ZNF737: variants seen among roughly 807,000 people sequenced by gnomAD.
The protein encoded by ZNF737 is zinc finger protein 737.
Under a neutral mutation model 11.7 loss-of-function variants are expected in ZNF737, and 13 were observed. That is an observed-to-expected ratio of 1.11 (90% CI 0.73 to 1.77). The LOEUF (loss-of-function observed/expected upper bound fraction) is 1.77, where lower values mean the gene tolerates loss of function less well. Ranked by LOEUF, ZNF737 falls within the 40% of genes most tolerant of loss-of-function variation. ZNF737 has a pLI of 0.00. For synonymous variants in ZNF737, 217 were observed against 216.2 expected, an observed-to-expected ratio of 1.00 and a Z score of -0.03; for missense variants, 636 against 638.0, an observed-to-expected ratio of 1.00 and a Z score of 0.03.
At chr19:20,554,858 ATTTCT>A (rs1555760165) in intron 1 of ZNF737, among the ~76,000 whole-genome samples, 1 of 123,338 alleles carries the variant, frequency 8.1e-6, no homozygotes, top group Non-Finnish European at 1.6e-5. Flanking sequence ...TTAAATAAGC[ATTTCT>A]TTTTTTTTTT....
chr19:20,536,592 AG>A (rs1432147120), downstream of ZNF737, among the ~76,000 whole-genome samples: 2 of 151,982 alleles, frequency 1.3e-5, no homozygotes, highest in African/African-American at 4.8e-5. Flanking sequence ...GGTAGATCAC[AG>A]GGTCAGGAGC....
At chr19:20,549,914 A>G (rs1968603664) in intron 3 of ZNF737, among the ~76,000 whole-genome samples, 1 of 142,716 alleles carries the variant, frequency 7.0e-6, no homozygotes, top group South Asian at 2.3e-4. Flanking sequence ...TGGGTGACAG[A>G]GTGTGACTCC....
In ZNF737 at chr19:20,538,591, A is replaced by C. The variant is rs1968071106; in HGVS notation, c.*6001T>G. On this transcript the variant is annotated 3_prime_UTR_variant, in exon 4 of 4. Transcript: ENST00000427401. The stretch of plus-strand genomic sequence containing the variant: ...AAAATGGCCTTGCTAAGAAAAATTA[A>C]ATTTATTTTCAAGTGCTATTTCTTT... 1 of 964,342 alleles carries C rather than the reference A, an allele frequency of 1.0e-6. No homozygotes were observed. Among genetic ancestry groups the C allele is most frequent in the Non-Finnish European group, 1.2e-6 (1 of 810,918 alleles). The allele number at this position is 964,342 out of a possible 1,614,324, so 59.7% of individuals were successfully genotyped here.
In ZNF737 at chr19:20,539,871, A is replaced by G. The variant is rs1346760263; in HGVS notation, c.*4721T>C. The stretch of plus-strand genomic sequence containing the variant: ...TTAGAATGAGTTCAGCCTTGTTGGT[A>G]GACTATTGGTATCCCAGAGGCTGAT... On this transcript the variant is annotated 3_prime_UTR_variant, in exon 4 of 4. Coordinates refer to ENST00000427401, the MANE Select transcript of ZNF737 (RefSeq NM_001159293.2). 2.0e-6 allele frequency: 2 copies of G among 985,144 alleles called. No individual in the cohort carries two copies. Among genetic ancestry groups the G allele is most frequent in the African/African-American group, 3.5e-5 (2 of 57,192 alleles). The allele number at this position is 985,144 out of a possible 1,614,324, so 61.0% of individuals were successfully genotyped here.
intron 1 of ZNF737, among the ~76,000 whole-genome samples, chr19:20,561,247 G>A (rs1412688713): frequency 1.3e-5 from 2 of 152,124 alleles, no homozygotes; most frequent in African/African-American, 4.8e-5. Context: ...TGCTGCTGCA[G>A]ATTTAGTGTC....
In ZNF737 at chr19:20,545,497, TGCCACA is replaced by T. The variant is rs781827792; in HGVS notation, c.700_705del (p.Cys234_Gly235del). 3.1e-6 allele frequency: 5 copies of T among 1,613,268 alleles called. No homozygotes were observed. The African/African-American group carries it at 6.7e-5, about 22-fold the overall frequency. On this transcript the variant is annotated inframe_deletion, in exon 4 of 4. Transcript: ENST00000427401. ...AGGTATGAAAACCGGCTAAAGGCTT[TGCCACA>T]GTCTTCACATTTGTACCGTTTCTCT...
rs200426795 is a variant in ZNF737, at chr19:20,539,288, T to TAA, written c.*5302_*5303dup. ...GTGAGTGACAGAGTGAGAATCCTTC[T>TAA]AAAAAAAAAAAAAAGAAATTCTTTC... On this transcript the variant is annotated 3_prime_UTR_variant, in exon 4 of 4. Coordinates refer to ENST00000427401, the MANE Select transcript of ZNF737 (RefSeq NM_001159293.2). The TAA allele has an allele frequency of 4.3e-4, 336 of 775,276 alleles. No individual in the cohort carries two copies. The highest frequency in any genetic ancestry group is 4.0e-3 in the Middle Eastern group (6 of 1,512). The allele number at this position is 775,276 out of a possible 1,614,324, so 48.0% of individuals were successfully genotyped here. A position where few individuals can be genotyped will look rare whatever the true frequency, so the allele number is the denominator to read the frequency against.
chr19:20,530,820 C>T, the ZNF737 span, among the ~76,000 whole-genome samples: 378 of 147,288 alleles, frequency 2.6e-3, 17 homozygotes, highest in African/African-American at 8.3e-3. Context: ...ACTTCCCAGA[C>T]GGGGTGGCGG....
intron 3 of ZNF737, among the ~76,000 whole-genome samples, chr19:20,547,712 T>TAA (rs36126400): frequency 7.9e-5 from 12 of 151,968 alleles, no homozygotes; most frequent in African/African-American, 2.2e-4. Flanking sequence ...ATACAGAAAT[T>TAA]AAAAAAACAC....
intron 2 of ZNF737, among the ~76,000 whole-genome samples, 176 bp from the exon 3 acceptor site, chr19:20,552,746 A>G (rs543906125): frequency 1.3e-4 from 19 of 151,980 alleles, no homozygotes; most frequent in East Asian, 1.2e-3. Flanking sequence ...AGGTGCAGTT[A>G]CTCACGCCTG....
At position 20,543,861 on chromosome 19, in the gene ZNF737, C is replaced by T; in HGVS notation, c.*731G>A. ...GAGAACTTGTGGCTGGGCGTCGTGG[C>T]TCACGCCTGTAATCCCAGCACTTTA... On this transcript the variant is annotated 3_prime_UTR_variant, in exon 4 of 4. Coordinates refer to ENST00000427401, the MANE Select transcript of ZNF737 (RefSeq NM_001159293.2). The T allele has an allele frequency of 2.0e-6, 2 of 985,188 alleles. No individual in the cohort carries two copies. Among genetic ancestry groups the T allele is most frequent in the Non-Finnish European group, 2.4e-6 (2 of 829,722 alleles). The allele number at this position is 985,188 out of a possible 1,614,324, so 61.0% of individuals were successfully genotyped here.
downstream of ZNF737, among the ~76,000 whole-genome samples, chr19:20,533,053 G>C (rs57819713): frequency 4.0e-5 from 6 of 149,902 alleles, no homozygotes; most frequent in Non-Finnish European, 8.9e-5. Context: ...TCATATTTAG[G>C]TTAGGACCTT....
At chr19:20,534,642 AAT>A (rs1159978554), downstream of ZNF737, among the ~76,000 whole-genome samples, 3 of 150,084 alleles carry the variant, frequency 2.0e-5, no homozygotes, top group Non-Finnish European at 3.0e-5. Flanking sequence ...GAAGAATTTA[AAT>A]AGAGTCAAAT....
rs1968305150 is a variant in ZNF737, at chr19:20,543,547, T to C, written c.*1045A>G. The C allele has an allele frequency of 1.0e-6, 1 of 985,276 alleles. No individual in the cohort carries two copies. Among genetic ancestry groups the C allele is most frequent in the African/African-American group, 1.7e-5 (1 of 57,252 alleles). 61.0% of individuals were successfully genotyped at this position (985,276 alleles called of 1,614,324 possible). On this transcript the variant is annotated 3_prime_UTR_variant, in exon 4 of 4. Coordinates refer to ENST00000427401, the MANE Select transcript of ZNF737 (RefSeq NM_001159293.2). ...CATATTCCTTCTATTTGTACAATTT[T>C]TCTCAAGGATACTAGCTTTTCTGTG...
intron 1 of ZNF737, chr19:20,564,071 CAGG>C (rs1475930534): frequency 2.6e-5 from 4 of 152,096 alleles, no homozygotes; most frequent in African/African-American, 4.8e-5. Flanking sequence ...GAGGCTGAGG[CAGG>C]AGAATTGCTT....
chr19:20,559,982 A>C (rs1480999504), intron 1 of ZNF737, among the ~76,000 whole-genome samples: 2 of 151,214 alleles, frequency 1.3e-5, no homozygotes, highest in Non-Finnish European at 1.5e-5. Context: ...CTGGCTAACA[A>C]GGTGAAACCC....
Position 20,545,463 on chromosome 19 carries a change from T to C in ZNF737, c.740A>G (p.His247Arg), listed in dbSNP as rs781972073. Residue 247 changes from histidine to arginine, a missense_variant, in exon 4 of 4, where the codon CAT becomes CGT. His to Arg is a conservative substitution (Grantham distance 29). Transcript: ENST00000427401. ...AFSRFSYLTA[H>R]KIIHSGEKPY... ...TTTCTCTCCACTATGAATTATCTTA[T>C]GTGCAGTAAGGTATGAAAACCGGCT... 5 of 1,613,800 alleles carry C rather than the reference T, an allele frequency of 3.1e-6. No homozygotes were observed. The highest frequency in any genetic ancestry group is 1.1e-5 in the South Asian group (1 of 91,050).
downstream of ZNF737, among the ~76,000 whole-genome samples, chr19:20,535,374 G>A (rs1205684400): frequency 6.6e-6 from 1 of 152,094 alleles, no homozygotes; most frequent in African/African-American, 2.4e-5. Flanking sequence ...TCACCAATAG[G>A]TGAATGGAGA....
At chr19:20,535,307 G>A (rs1432497310), downstream of ZNF737, among the ~76,000 whole-genome samples, 1 of 152,028 alleles carries the variant, frequency 6.6e-6, no homozygotes, top group East Asian at 1.9e-4. Flanking sequence ...CAAAATAAAA[G>A]AGAAGGAAGG....
Sources: allele counts gnomAD v4.1 joint callset (sites outside exome capture counted in the v4.1 genomes callset), GRCh38; gene constraint gnomAD v4.1.1; transcripts MANE v1.5; gene names NCBI Gene and HGNC (gene_info 2026-07-23, HGNC 2026-07-21).